Variants in TIPRL observed in about 807,000 individuals in gnomAD.
The protein encoded by TIPRL is TOR signaling pathway regulator, also known as TIP41-like protein.
TIPRL carries 10 observed loss-of-function variants against 32.3 expected under a neutral mutation model. The observed-to-expected ratio is 0.31, with a 90% CI of 0.19 to 0.52. The LOEUF (loss-of-function observed/expected upper bound fraction) is 0.52. TIPRL is among the 20% of genes least tolerant of loss of function. The pLI, the probability that TIPRL is intolerant of heterozygous loss-of-function variation, is 0.96. For synonymous variants in TIPRL, 100 were observed against 114.0 expected, an observed-to-expected ratio of 0.88 and a Z score of 0.78; for missense variants, 250 against 328.1, an observed-to-expected ratio of 0.76 and a Z score of 1.84.
chr1:168,191,411 G>T lies in TIPRL; in HGVS notation c.427G>T (p.Ala143Ser). 6.5e-7 allele frequency: 1 copy of T among 1,530,584 alleles called. No individual in the cohort carries two copies. Among genetic ancestry groups the T allele is most frequent in the Non-Finnish European group, 8.7e-7 (1 of 1,150,206 alleles). 94.8% of individuals were successfully genotyped at this position (1,530,584 alleles called of 1,614,324 possible). A position where few individuals can be genotyped will look rare whatever the true frequency, so the allele number is the denominator to read the frequency against. ...TCATATAGATACAGAAAAATTGAAA[G>T]CCAGAGAACAGATTAAGTTTTTTGA... is the stretch of plus-strand genomic sequence containing the variant. ...TDHIDTEKLK[A>S]REQIKFFEEV... is the part of the protein sequence containing the mutation. Residue 143 changes from alanine to serine, a missense_variant, in exon 4 of 7, where the codon GCC (alanine) becomes TCC (serine). By Grantham distance (99) the Ala-to-Ser change is moderately conservative. Coordinates refer to ENST00000367833, the MANE Select transcript of TIPRL (RefSeq NM_152902.5).
intron 1 of TIPRL, among the ~76,000 whole-genome samples, chr1:168,181,628 A>G (rs926055093): frequency 2.0e-5 from 3 of 151,492 alleles, no homozygotes; most frequent in Non-Finnish European, 4.4e-5. Flanking sequence ...TAATTATATT[A>G]TATATAAAGC....
chr1:168,192,755 G>T (rs1214408010), intron 4 of TIPRL, among the ~76,000 whole-genome samples: 1 of 152,086 alleles, frequency 6.6e-6, no homozygotes, highest in African/African-American at 2.4e-5. Flanking sequence ...GCGCAGTGGC[G>T]GGCGCCTGTA....
rs1700213207 is a variant in TIPRL at position 168,201,963 on chromosome 1, C to A, written c.*1917C>A. 1 of 150,904 alleles carries A rather than the reference C, an allele frequency of 6.6e-6. No individual in the cohort carries two copies. 9.3% of individuals were successfully genotyped at this position (150,904 alleles called of 1,614,324 possible). ...GGTAAGAGATGGGTAGAAGAGTATG[C>A]CTCTGAAAATTTTATTAGTTTATTC... is the stretch of plus-strand genomic sequence containing the variant. On this transcript the variant is annotated 3_prime_UTR_variant, in exon 7 of 7. Coordinates refer to ENST00000367833, the MANE Select transcript of TIPRL (RefSeq NM_152902.5).
chr1:168,186,761 G>A (rs1188581707), intron 3 of TIPRL, among the ~76,000 whole-genome samples: 2 of 152,100 alleles, frequency 1.3e-5, no homozygotes, highest in African/African-American at 4.8e-5. Flanking sequence ...TTGAACCCAG[G>A]AGGCAGAGTT....
intron 3 of TIPRL, among the ~76,000 whole-genome samples, chr1:168,186,091 A>T (rs895000966): frequency 2.0e-5 from 3 of 150,928 alleles, no homozygotes; most frequent in Non-Finnish European, 4.4e-5. Flanking sequence ...AAAAAAAAAA[A>T]AAAAAAAAAA....
At chr1:168,185,882 C>T (rs1700021296) in intron 3 of TIPRL, among the ~76,000 whole-genome samples, 1 of 150,260 alleles carries the variant, frequency 6.7e-6, no homozygotes, top group African/African-American at 2.4e-5. Context: ...CAACACCAGC[C>T]TGGTCAACAT....
rs1362260934 is a variant in TIPRL, at chr1:168,201,689, T to C, written c.*1643T>C. 6.6e-6 allele frequency: 1 copy of C among 151,848 alleles called. No homozygotes were observed. The highest frequency in any genetic ancestry group is 1.5e-5 in the Non-Finnish European group (1 of 67,946). 9.4% of individuals were successfully genotyped at this position (151,848 alleles called of 1,614,324 possible). ...ATATTATTTGCCATTGAGATTAGAA[T>C]AGAACAGGCTCTATTCATGCAAACT... On this transcript the variant is annotated 3_prime_UTR_variant, in exon 7 of 7. Transcript: ENST00000367833.
At chr1:168,192,807 A>G (rs74605330) in intron 4 of TIPRL, among the ~76,000 whole-genome samples, 2,951 of 152,292 alleles carry the variant, frequency 0.019, 32 homozygotes, top group Non-Finnish European at 0.029. Context: ...AATGGCGTGA[A>G]CCCGGAAGGC....
At chr1:168,183,805 C>T (rs1699995355) in intron 1 of TIPRL, 97 bp from the exon 2 acceptor site, 2 of 1,260,836 alleles carry the variant, frequency 1.6e-6, no homozygotes, top group South Asian at 1.4e-5. Context: ...CTGTGTAACT[C>T]ATTCAGCAAG....
At chr1:168,179,215 C>T (rs1699929770) in intron 1 of TIPRL, 34 bp downstream of exon 1, 3 of 1,601,504 alleles carry the variant, frequency 1.9e-6, no homozygotes, top group African/African-American at 1.3e-5. Context: ...TGGGCGCTGG[C>T]CGGTTGCTGG....
Position 168,201,159 on chromosome 1 carries a change from A to C in TIPRL, c.*1113A>C, listed in dbSNP as rs559317422. The C allele has an allele frequency of 2.6e-5, 4 of 152,296 alleles. No individual in the cohort carries two copies. The South Asian group carries it at 8.3e-4, about 32-fold the overall frequency. The allele number at this position is 152,296 out of a possible 1,614,324, so 9.4% of individuals were successfully genotyped here. On this transcript the variant is annotated 3_prime_UTR_variant, in exon 7 of 7. Coordinates refer to ENST00000367833, the MANE Select transcript of TIPRL (RefSeq NM_152902.5). ...TATATTCTTGTCTGCCTTTCTAGAA[A>C]AATGGTTGTCATAAAGTGGAAAGTG...
chr1:168,184,129 A>G, intron 2 of TIPRL, 48 bp downstream of exon 2: 1 of 1,535,740 alleles, frequency 6.5e-7, no homozygotes, highest in Non-Finnish European at 8.9e-7. Flanking sequence ...ATTAGGTTAA[A>G]CAAAAGAGAA....
chr1:168,200,015 C>T lies in TIPRL; in HGVS notation c.788C>T (p.Ala263Val). Reference sequence around the variant, plus strand: ...CCAGAAAGAATTGATCCTAACCCAGCAGACTCACAAAAAAGTACACAAGTG... The same window carrying T: ...CCAGAAAGAATTGATCCTAACCCAGTAGACTCACAAAAAAGTACACAAGTG... ...IFPERIDPNP[A>V]DSQKSTQVE is the part of the protein sequence containing the mutation. Residue 263 changes from alanine to valine, a missense_variant, in exon 7 of 7, where the codon GCA becomes GTA. By Grantham distance (64) the Ala-to-Val change is moderately conservative (BLOSUM62 0). Coordinates refer to ENST00000367833, the MANE Select transcript of TIPRL (RefSeq NM_152902.5). The T allele has an allele frequency of 6.2e-7, 1 of 1,613,344 alleles. No individual in the cohort carries two copies. The highest frequency in any genetic ancestry group is 8.5e-7 in the Non-Finnish European group (1 of 1,179,626).
rs780921720 is a variant in TIPRL at position 168,191,381 on chromosome 1, A to G, written c.397A>G (p.Thr133Ala). 212 of 1,533,458 alleles carry G rather than the reference A, an allele frequency of 1.4e-4. No homozygotes were observed. The highest frequency in any genetic ancestry group is 1.7e-4 in the Non-Finnish European group (197 of 1,153,366). 95.0% of individuals were successfully genotyped at this position (1,533,458 alleles called of 1,614,324 possible). ...ESLKLKVVPT[T>A]DHIDTEKLKA... ...TTTTTTCTTTCAGGTTGTACCTACA[A>G]CAGATCATATAGATACAGAAAAATT... is the stretch of plus-strand genomic sequence containing the variant. Residue 133 changes from threonine to alanine, a missense_variant, in exon 4 of 7, where the codon ACA becomes GCA. Coordinates refer to ENST00000367833, the MANE Select transcript of TIPRL (RefSeq NM_152902.5).
intron 4 of TIPRL, among the ~76,000 whole-genome samples, chr1:168,194,603 A>G (rs1425230805): frequency 6.6e-6 from 1 of 152,232 alleles, no homozygotes; most frequent in East Asian, 1.9e-4. Context: ...AATAATAATG[A>G]TGTGCTTCTC....
chr1:168,183,121 A>G (rs931827286), intron 1 of TIPRL, among the ~76,000 whole-genome samples: 4 of 152,228 alleles, frequency 2.6e-5, no homozygotes, highest in African/African-American at 9.6e-5. Flanking sequence ...GCATTTTTTC[A>G]TATTATTATA....
chr1:168,180,820 C>CTTTTT (rs71118909), intron 1 of TIPRL, among the ~76,000 whole-genome samples: 1,322 of 123,992 alleles, frequency 0.011, 34 homozygotes, highest in African/African-American at 0.034. Flanking sequence ...TTTTTTATAA[C>CTTTTT]TTTTTTTTTT....
rs750391136 is a variant in TIPRL at position 168,183,884 on chromosome 1, AC to A, written c.105-17del. 1.3e-6 allele frequency: 2 copies of A among 1,596,076 alleles called. No homozygotes were observed. The highest frequency in any genetic ancestry group is 1.3e-5 in the African/African-American group (1 of 74,540). On this transcript the variant is annotated splice_polypyrimidine_tract_variant and intron_variant, in intron 1 of 6. Coordinates refer to ENST00000367833, the MANE Select transcript of TIPRL (RefSeq NM_152902.5). ...CAGCGATATAAAATTATCTCACCCG[AC>A]TTTTGGTTACGTATAGATTAGCCGA...
chr1:168,181,277 AT>A (rs1699959039), intron 1 of TIPRL, among the ~76,000 whole-genome samples: 1 of 151,244 alleles, frequency 6.6e-6, no homozygotes, highest in African/African-American at 2.4e-5. Flanking sequence ...CAATGGCGCC[AT>A]CTCGGCTCAC....
Sources: gnomAD v4.1 joint callset for allele counts (sites outside exome capture counted in the v4.1 genomes callset) on GRCh38, gnomAD v4.1.1 for gene constraint, MANE v1.5 for transcripts, NCBI Gene and HGNC (gene_info 2026-07-23, HGNC 2026-07-21) for gene names.